RETREG3: variants seen among roughly 807,000 people sequenced by gnomAD.
The protein encoded by RETREG3 is reticulophagy regulator 3.
A neutral mutation model predicts 50.2 loss-of-function variants in RETREG3; 23 were observed. The observed-to-expected ratio is 0.46, with a 90% CI of 0.33 to 0.65. RETREG3 has a LOEUF of 0.65. Among genes scored for constraint, RETREG3 ranks in the 30% least tolerant of loss-of-function variants. The probability of loss-of-function intolerance (pLI) is 0.02; values close to 1 mark genes in which losing one functional copy is unlikely to be tolerated. For missense variants in RETREG3, 546 were observed against 598.0 expected (o/e 0.91, Z 0.91); for synonymous variants, 240 against 234.4 (o/e 1.02, Z -0.22).
At chr17:42,592,542 G>C (rs1290940361) in intron 1 of RETREG3, among the ~76,000 whole-genome samples, 1 of 152,154 alleles carries the variant, frequency 6.6e-6, no homozygotes, top group Non-Finnish European at 1.5e-5. Flanking sequence ...CAAACTGACA[G>C]AGATGCACTC....
At position 42,580,355 on chromosome 17, in the gene RETREG3, C is replaced by G. The variant is rs2093104736; in HGVS notation, c.*1458G>C. Reference sequence around the variant, plus strand: ...ATGACATGGAGCCATTTGTAAAGTGCTACTGTATCATCCCCCATGAATTAT... The same window carrying G: ...ATGACATGGAGCCATTTGTAAAGTGGTACTGTATCATCCCCCATGAATTAT... On this transcript the variant is annotated 3_prime_UTR_variant, in exon 9 of 9. Coordinates refer to ENST00000309428, the MANE Select transcript of RETREG3 (RefSeq NM_178126.4). The G allele has an allele frequency of 6.5e-6, 1 of 152,710 alleles. No homozygotes were observed. The highest frequency in any genetic ancestry group is 1.9e-4 in the East Asian group (1 of 5,330). The allele number at this position is 152,710 out of a possible 1,614,324, so 9.5% of individuals were successfully genotyped here. A position where few individuals can be genotyped will look rare whatever the true frequency, so the allele number is the denominator to read the frequency against.
chr17:42,581,658 CCT>C lies in RETREG3; in HGVS notation c.*153_*154del. ...CAGCTGGTGGGAGGGGAGTGAGTGT[CCT>C]CTCTAAGGAGGCCTCTGAGCATCAG... On this transcript the variant is annotated 3_prime_UTR_variant, in exon 9 of 9. Coordinates refer to ENST00000309428, the MANE Select transcript of RETREG3 (RefSeq NM_178126.4). The C allele has an allele frequency of 1.6e-6, 1 of 628,758 alleles. No homozygotes were observed. The highest frequency in any genetic ancestry group is 2.6e-6 in the Non-Finnish European group (1 of 380,144). 38.9% of individuals were successfully genotyped at this position (628,758 alleles called of 1,614,324 possible).
Position 42,581,779 on chromosome 17 carries a change from T to TA in RETREG3, c.*33dup. The TA allele has an allele frequency of 6.6e-7, 1 of 1,522,202 alleles. No individual in the cohort carries two copies. The highest frequency in any genetic ancestry group is 8.8e-7 in the Non-Finnish European group (1 of 1,135,312). 94.3% of individuals were successfully genotyped at this position (1,522,202 alleles called of 1,614,324 possible). ...TAAGTGGGATGGGGAGAAAAAAACC[T>TA]AAACCACAGTGACTCCCAAAAGGAG... is the stretch of plus-strand genomic sequence containing the variant. On this transcript the variant is annotated 3_prime_UTR_variant, in exon 9 of 9. Coordinates refer to ENST00000309428, the MANE Select transcript of RETREG3 (RefSeq NM_178126.4).
chr17:42,594,826 G>GCTCTTGTTGCCCAGGCTGGAGTGCAAT (rs2093140621), intron 1 of RETREG3, among the ~76,000 whole-genome samples: 1 of 151,944 alleles, frequency 6.6e-6, no homozygotes, highest in African/African-American at 2.4e-5. Context: ...ACTCCAGGCT[G>GCTCTTGTTGCCCAGGCTGGAGTGCAAT]GGCGACAGAG....
At chr17:42,597,211 C>A (rs1479039599) in intron 1 of RETREG3, among the ~76,000 whole-genome samples, 1 of 135,694 alleles carries the variant, frequency 7.4e-6, no homozygotes, top group African/African-American at 2.8e-5. Context: ...TTTTTTGAGA[C>A]GGAGTCTTAG....
chr17:42,589,239 A>G lies in RETREG3; in HGVS notation c.347-1375T>C, dbSNP rs188176088. ...TCTCTATAAAATATGATGGGCATGT[A>G]TTTAAAACCTGTATACTCTGGTTTG... On this transcript the variant is annotated intron_variant, in intron 2 of 8. Transcript: ENST00000309428. 3.3e-5 allele frequency among the ~76,000 whole-genome samples: 5 copies of G among 152,248 alleles called. No individual in the cohort carries two copies. The East Asian group carries it at 9.6e-4, about 29-fold the overall frequency.
At chr17:42,609,064 T>G in intron 1 of RETREG3, 22 bp downstream of exon 1, 1 of 1,598,814 alleles carries the variant, frequency 6.3e-7, no homozygotes, top group East Asian at 2.2e-5. Flanking sequence ...TCGGAGGGTT[T>G]CCGAGGGTCC....
chr17:42,602,895 A>AGCCTGGC (rs2093161127), intron 1 of RETREG3, among the ~76,000 whole-genome samples: 1 of 152,174 alleles, frequency 6.6e-6, no homozygotes, highest in Non-Finnish European at 1.5e-5. Flanking sequence ...ATAAGCCATG[A>AGCCTGGC]TCACACCACT....
chr17:42,602,195 T>C (rs774176958), intron 1 of RETREG3, among the ~76,000 whole-genome samples: 11 of 151,834 alleles, frequency 7.2e-5, no homozygotes, highest in Non-Finnish European at 1.3e-4. Context: ...TGCACGCCGG[T>C]AGTCCCAGCT....
At chr17:42,607,907 G>A (rs966245254) in intron 1 of RETREG3, among the ~76,000 whole-genome samples, 3 of 152,116 alleles carry the variant, frequency 2.0e-5, no homozygotes, top group Non-Finnish European at 4.4e-5. Context: ...AGCCACAAAT[G>A]CCAGAGACTA....
intron 1 of RETREG3, among the ~76,000 whole-genome samples, chr17:42,597,976 GTTTTTTTTT>G (rs869196773): frequency 2.7e-4 from 26 of 95,872 alleles, no homozygotes; most frequent in African/African-American, 1.0e-3. Flanking sequence ...TTCCTCTGAA[GTTTTTTTTT>G]TTTTTTTTTT....
At chr17:42,598,383 C>T (rs1273547703) in intron 1 of RETREG3, among the ~76,000 whole-genome samples, 7 of 152,220 alleles carry the variant, frequency 4.6e-5, no homozygotes, top group Admixed American at 3.9e-4. Context: ...AAGATGCTCA[C>T]AATTTTAGCC....
intron 1 of RETREG3, among the ~76,000 whole-genome samples, chr17:42,595,144 T>G (rs915361467): frequency 5.3e-5 from 8 of 150,726 alleles, no homozygotes; most frequent in Non-Finnish European, 1.5e-5. Flanking sequence ...TTTTTTTGTA[T>G]TTTTAGTAGA....
At chr17:42,598,961 T>C (rs2093153378) in intron 1 of RETREG3, 1 of 152,208 alleles carries the variant, frequency 6.6e-6, no homozygotes. Context: ...GGATATGTTT[T>C]TATTGCCATC....
intron 1 of RETREG3, among the ~76,000 whole-genome samples, chr17:42,606,618 TA>T (rs546390773): frequency 5.1e-5 from 7 of 136,676 alleles, no homozygotes; most frequent in African/African-American, 8.2e-5. Context: ...AAAAATTAAT[TA>T]AAAAAAAAAG....
At chr17:42,592,782 T>C (rs1419061910) in intron 1 of RETREG3, among the ~76,000 whole-genome samples, 3 of 152,122 alleles carry the variant, frequency 2.0e-5, no homozygotes, top group African/African-American at 4.8e-5. Flanking sequence ...TGAAACTCCG[T>C]ATCTACCAAA....
At chr17:42,606,461 C>A (rs1257308011) in intron 1 of RETREG3, among the ~76,000 whole-genome samples, 2 of 151,792 alleles carry the variant, frequency 1.3e-5, no homozygotes, top group African/African-American at 4.8e-5. Flanking sequence ...ATTAGCCGGG[C>A]GTGGTGGCGC....
At chr17:42,600,883 G>A (rs966354875) in intron 1 of RETREG3, among the ~76,000 whole-genome samples, 9 of 152,110 alleles carry the variant, frequency 5.9e-5, no homozygotes, top group African/African-American at 2.2e-4. Flanking sequence ...GCCATGAGGT[G>A]GAATGATCAC....
chr17:42,596,786 C>T (rs1436338757), intron 1 of RETREG3, among the ~76,000 whole-genome samples: 1 of 151,946 alleles, frequency 6.6e-6, no homozygotes, highest in Non-Finnish European at 1.5e-5. Context: ...TGTAAGAGAA[C>T]ATTAATATTA....
Sources: allele counts gnomAD v4.1 joint callset (sites outside exome capture counted in the v4.1 genomes callset), GRCh38; gene constraint gnomAD v4.1.1; transcripts MANE v1.5; gene names NCBI Gene and HGNC (gene_info 2026-07-23, HGNC 2026-07-21).